MTUS2: variants seen among roughly 807,000 people sequenced by gnomAD.
MTUS2 encodes microtubule associated scaffold protein 2.
In MTUS2, 40 loss-of-function variants were observed where a neutral mutation model predicts 114.1. The observed-to-expected ratio is 0.35, with a 90% CI of 0.27 to 0.46. MTUS2 has a LOEUF of 0.46. Ranked by LOEUF, MTUS2 falls within the 20% of genes least tolerant of loss-of-function variation. The pLI is 1.00. For missense variants in MTUS2, 1,679 were observed against 1,705.4 expected, an observed-to-expected ratio of 0.98 and a Z score of 0.27; for synonymous variants, 688 against 672.0, an observed-to-expected ratio of 1.02 and a Z score of -0.37.
At chr13:29,168,901 T>TGTGTGTGTGTGTGTGTGTGTGTGG (rs1893432950) in intron 5 of MTUS2, among the ~76,000 whole-genome samples, 1 of 151,572 alleles carries the variant, frequency 6.6e-6, no homozygotes, top group Non-Finnish European at 1.5e-5. Flanking sequence ...TGTGTGTGTG[T>TGTGTGTGTGTGTGTGTGTGTGTGG]GTGTGTGTGT....
intron 2 of MTUS2, among the ~76,000 whole-genome samples, chr13:28,965,960 A>G (rs1166098794): frequency 1.3e-5 from 2 of 152,366 alleles, no homozygotes; most frequent in Admixed American, 6.5e-5. Context: ...ACTGGGCACC[A>G]TGGCCTAGCC....
At chr13:29,445,499 C>T (rs1245833312) in intron 9 of MTUS2, among the ~76,000 whole-genome samples, 1 of 152,148 alleles carries the variant, frequency 6.6e-6, no homozygotes, top group African/African-American at 2.4e-5. Context: ...ATGCATAGAG[C>T]AAGGTATATG....
chr13:29,150,193 G>T (rs1892610020), intron 5 of MTUS2, among the ~76,000 whole-genome samples: 1 of 152,074 alleles, frequency 6.6e-6, no homozygotes, highest in African/African-American at 2.4e-5. Context: ...TGATTTCTTT[G>T]AGCAGTGGTT....
chr13:28,870,462 A>G (rs1219534670), intron 2 of MTUS2, among the ~76,000 whole-genome samples: 2 of 152,160 alleles, frequency 1.3e-5, no homozygotes, highest in African/African-American at 2.4e-5. Flanking sequence ...AGCCTCTCCT[A>G]TCATTTTTTC....
At chr13:29,066,936 C>T (rs1888692260) in intron 4 of MTUS2, among the ~76,000 whole-genome samples, 1 of 152,128 alleles carries the variant, frequency 6.6e-6, no homozygotes, top group African/African-American at 2.4e-5. Flanking sequence ...GTTTGCCAGG[C>T]TGAGCATGGG....
At chr13:29,304,599 A>G (rs1253323715) in intron 6 of MTUS2, among the ~76,000 whole-genome samples, 1 of 152,220 alleles carries the variant, frequency 6.6e-6, no homozygotes, top group African/African-American at 2.4e-5. Flanking sequence ...TATTCTAAAT[A>G]TATATGCACC....
chr13:29,213,084 C>T (rs1468025413), intron 5 of MTUS2, among the ~76,000 whole-genome samples: 2 of 152,176 alleles, frequency 1.3e-5, no homozygotes, highest in Non-Finnish European at 2.9e-5. Flanking sequence ...GAACTGGGAT[C>T]AAAACCAAAT....
At chr13:29,495,312 C>G (rs1173785101) in intron 12 of MTUS2, among the ~76,000 whole-genome samples, 1 of 124,862 alleles carries the variant, frequency 8.0e-6, no homozygotes, top group African/African-American at 3.1e-5. Context: ...GAGCTGAGAT[C>G]ATGCCACTGC....
intron 4 of MTUS2, among the ~76,000 whole-genome samples, chr13:29,086,476 G>C (rs151336957): frequency 6.6e-6 from 1 of 152,154 alleles, no homozygotes; most frequent in East Asian, 1.9e-4. Context: ...TGTTCCACTG[G>C]TCTGTGTGTT....
At chr13:29,438,373 A>T (rs928174469) in intron 8 of MTUS2, among the ~76,000 whole-genome samples, 1 of 152,208 alleles carries the variant, frequency 6.6e-6, no homozygotes, top group Non-Finnish European at 1.5e-5. Context: ...ACTAAATGTT[A>T]TAAACTGGGT....
At chr13:29,285,679 T>C (rs1329102264) in intron 6 of MTUS2, among the ~76,000 whole-genome samples, 7 of 152,130 alleles carry the variant, frequency 4.6e-5, no homozygotes, top group Non-Finnish European at 1.0e-4. Flanking sequence ...TCTGATGTAC[T>C]CGGCAAGAGC....
chr13:29,031,433 TTGAC>T (rs963072791), intron 3 of MTUS2, among the ~76,000 whole-genome samples: 1 of 151,902 alleles, frequency 6.6e-6, no homozygotes, highest in South Asian at 2.1e-4. Flanking sequence ...GAGAGATTGA[TTGAC>T]TGATTGATTT....
At chr13:28,978,304 C>T (rs1884208943) in intron 2 of MTUS2, among the ~76,000 whole-genome samples, 2 of 152,094 alleles carry the variant, frequency 1.3e-5, no homozygotes, top group Admixed American at 1.3e-4. Context: ...CAGTTCATTG[C>T]AATAGACTAA....
chr13:29,502,934 A>G (rs1234805897), intron 15 of MTUS2, 59 bp from the exon 16 acceptor site: 33 of 1,553,926 alleles, frequency 2.1e-5, no homozygotes, highest in Non-Finnish European at 8.8e-7. Flanking sequence ...CATTGTCCTG[A>G]CCTCAGGTTC....
In MTUS2 at chr13:29,365,485, C is replaced by T. The variant is rs367783124; in HGVS notation, c.3117+6012C>T. Among the ~76,000 whole-genome samples, 194 of 45,502 alleles carry T rather than the reference C, an allele frequency of 4.3e-3. 1 individual carries two copies. The highest frequency in any genetic ancestry group is 0.011 in the East Asian group (9 of 788). The allele number at this position is 45,502 out of a possible 152,430, so 29.9% of individuals were successfully genotyped here. A position where few individuals can be genotyped will look rare whatever the true frequency, so the allele number is the denominator to read the frequency against. ...TCAGCTCATCTCACTTATGCTTTGT[C>T]ATCAATACGTTTTTTTGTTTGGGTT... On this transcript the variant is annotated intron_variant, in intron 8 of 15. Coordinates refer to ENST00000612955, the MANE Select transcript of MTUS2 (RefSeq NM_001033602.4).
intron 5 of MTUS2, among the ~76,000 whole-genome samples, chr13:29,236,887 T>G (rs1896554937): frequency 6.6e-6 from 1 of 152,206 alleles, no homozygotes; most frequent in African/African-American, 2.4e-5. Flanking sequence ...ATCTGAGTCC[T>G]GGAATGTGAG....
chr13:29,251,963 G>C (rs886482266), intron 5 of MTUS2, among the ~76,000 whole-genome samples: 1 of 152,116 alleles, frequency 6.6e-6, no homozygotes, highest in African/African-American at 2.4e-5. Context: ...GACTGGAATT[G>C]CTGGATCACA....
intron 9 of MTUS2, among the ~76,000 whole-genome samples, chr13:29,470,214 G>A (rs7326700): frequency 0.7 from 105,720 of 151,996 alleles, 38,045 homozygotes; most frequent in African/African-American, 0.83. Context: ...TAATAACTCA[G>A]TACTGTATAA....
chr13:29,453,497 A>G (rs1005520617), intron 9 of MTUS2, among the ~76,000 whole-genome samples: 2 of 152,204 alleles, frequency 1.3e-5, no homozygotes, highest in African/African-American at 4.8e-5. Context: ...AGAGACAGAC[A>G]CATAGCAGGT....
Sources: allele counts gnomAD v4.1 joint callset (sites outside exome capture counted in the v4.1 genomes callset), GRCh38; gene constraint gnomAD v4.1.1; transcripts MANE v1.5; gene names NCBI Gene and HGNC (gene_info 2026-07-23, HGNC 2026-07-21).